ITGA8: variants seen among roughly 807,000 people sequenced by gnomAD.
ITGA8 encodes the protein integrin alpha-8.
ITGA8 carries 91 observed loss-of-function variants against 142.3 expected under a neutral mutation model. That is an observed-to-expected ratio of 0.64 (90% CI 0.54 to 0.76). ITGA8 has a LOEUF of 0.76. ITGA8 is among the 30% of genes least tolerant of loss of function. The probability of loss-of-function intolerance (pLI) is 0.00; values close to 1 mark genes in which losing one functional copy is unlikely to be tolerated. For synonymous variants in ITGA8, 505 were observed against 485.2 expected (o/e 1.04, Z -0.54); for missense variants, 1,406 against 1,327.7 (o/e 1.06, Z -0.92).
chr10:15,540,010 G>A (rs1170879576), intron 27 of ITGA8, among the ~76,000 whole-genome samples: 1 of 152,134 alleles, frequency 6.6e-6, no homozygotes, highest in African/African-American at 2.4e-5. Flanking sequence ...ACATGCTTTT[G>A]CTTCTCCTTT....
chr10:15,617,575 T>G (rs567600411), intron 13 of ITGA8, among the ~76,000 whole-genome samples: 2 of 152,182 alleles, frequency 1.3e-5, no homozygotes, highest in Non-Finnish European at 2.9e-5. Context: ...ATTTTTTGTA[T>G]TTTTTGGTAG....
At chr10:15,609,402 TTTAA>T (rs1451356589) in intron 15 of ITGA8, among the ~76,000 whole-genome samples, 1 of 152,240 alleles carries the variant, frequency 6.6e-6, no homozygotes, top group Non-Finnish European at 1.5e-5. Context: ...CCAATCATAC[TTTAA>T]TTATGTGTCA....
chr10:15,535,584 T>G (rs1833414150), intron 27 of ITGA8, among the ~76,000 whole-genome samples: 1 of 152,028 alleles, frequency 6.6e-6, no homozygotes. Flanking sequence ...TTGGAGAACC[T>G]TTATGTCCAC....
chr10:15,690,197 A>C (rs1834907096), intron 2 of ITGA8, among the ~76,000 whole-genome samples: 1 of 152,262 alleles, frequency 6.6e-6, no homozygotes, highest in East Asian at 1.9e-4. Flanking sequence ...AGTGAAGCCA[A>C]CATTCGCACC....
chr10:15,698,327 C>T (rs1835095761), intron 2 of ITGA8, among the ~76,000 whole-genome samples: 1 of 152,128 alleles, frequency 6.6e-6, no homozygotes, highest in East Asian at 1.9e-4. Context: ...GGCATTTGGG[C>T]TGGTTCCATA....
At chr10:15,625,639 G>A (rs1309062616) in intron 13 of ITGA8, among the ~76,000 whole-genome samples, 4 of 152,144 alleles carry the variant, frequency 2.6e-5, no homozygotes, top group African/African-American at 4.8e-5. Context: ...TGATGATTTC[G>A]CTAAGTGTTT....
chr10:15,535,867 A>G (rs892558356), intron 27 of ITGA8, among the ~76,000 whole-genome samples: 2 of 152,110 alleles, frequency 1.3e-5, no homozygotes, highest in African/African-American at 2.4e-5. Context: ...CTTTGGGTCC[A>G]CGCTGCCTTT....
chr10:15,645,092 C>CA (rs1168510743), intron 12 of ITGA8, among the ~76,000 whole-genome samples: 23,257 of 46,594 alleles, frequency 0.5, 6,131 homozygotes, highest in South Asian at 0.63. Flanking sequence ...GACTCTGTCT[C>CA]AAAAAAAAAA....
At chr10:15,609,939 TC>T (rs113458373) in intron 15 of ITGA8, among the ~76,000 whole-genome samples, 1 of 152,178 alleles carries the variant, frequency 6.6e-6, no homozygotes. Context: ...AACATTTTTT[TC>T]CTTATGGGAT....
chr10:15,601,141 A>G (rs1833097820), intron 20 of ITGA8, among the ~76,000 whole-genome samples: 1 of 152,122 alleles, frequency 6.6e-6, no homozygotes, highest in Admixed American at 6.5e-5. Flanking sequence ...CGGGAGGCTG[A>G]GGCAGGAGAA....
chr10:15,675,730 ATCT>A (rs1834616812), intron 6 of ITGA8, among the ~76,000 whole-genome samples: 1 of 152,188 alleles, frequency 6.6e-6, no homozygotes, highest in South Asian at 2.1e-4. Context: ...GACAAACAAC[ATCT>A]TCTTACTCTA....
At chr10:15,687,538 G>A (rs566952393) in intron 3 of ITGA8, among the ~76,000 whole-genome samples, 2 of 151,932 alleles carry the variant, frequency 1.3e-5, no homozygotes, top group Admixed American at 6.6e-5. Context: ...CTTTCCTTTC[G>A]GTGTAAAAAG....
chr10:15,676,150 C>T (rs1834626125), intron 6 of ITGA8, among the ~76,000 whole-genome samples: 1 of 152,142 alleles, frequency 6.6e-6, no homozygotes, highest in Non-Finnish European at 1.5e-5. Flanking sequence ...TCCATTCTCA[C>T]CTACGCTGCC....
intron 20 of ITGA8, among the ~76,000 whole-genome samples, chr10:15,597,503 G>A (rs576335250): frequency 6.6e-6 from 1 of 152,272 alleles, no homozygotes; most frequent in East Asian, 1.9e-4. Context: ...AATGTGTTGG[G>A]TAGGTAAGCA....
chr10:15,619,538 G>A (rs574964814), intron 13 of ITGA8, among the ~76,000 whole-genome samples: 2 of 152,252 alleles, frequency 1.3e-5, no homozygotes, highest in East Asian at 1.9e-4. Context: ...AGGACTCATG[G>A]AATAAAACAT....
intron 13 of ITGA8, among the ~76,000 whole-genome samples, chr10:15,633,307 A>G (rs1355745847): frequency 6.6e-6 from 1 of 152,198 alleles, no homozygotes; most frequent in East Asian, 1.9e-4. Flanking sequence ...TAGCATGATC[A>G]AAAAAATAAA....
chr10:15,713,060 G>T (rs1835389887), intron 2 of ITGA8, among the ~76,000 whole-genome samples: 1 of 152,108 alleles, frequency 6.6e-6, no homozygotes, highest in Admixed American at 6.6e-5. Flanking sequence ...TTTTCTAATT[G>T]CTTCCTCAGT....
intron 2 of ITGA8, among the ~76,000 whole-genome samples, chr10:15,697,061 A>ACACACACACG (rs1248718482): frequency 4.0e-5 from 6 of 151,540 alleles, no homozygotes; most frequent in Non-Finnish European, 8.8e-5. Flanking sequence ...ACACACACAC[A>ACACACACACG]CACACAAGAA....
intron 27 of ITGA8, among the ~76,000 whole-genome samples, chr10:15,547,180 C>T (rs1010075940): frequency 6.6e-5 from 10 of 152,066 alleles, no homozygotes; most frequent in Non-Finnish European, 1.0e-4. Flanking sequence ...AATTCCTCCC[C>T]AAACAATAAG....
Sources: gnomAD v4.1 joint callset for allele counts (sites outside exome capture counted in the v4.1 genomes callset) on GRCh38, gnomAD v4.1.1 for gene constraint, MANE v1.5 for transcripts, NCBI Gene and HGNC (gene_info 2026-07-23, HGNC 2026-07-21) for gene names.